Variants in ARFGEF3 observed in about 807,000 individuals in gnomAD.
ARFGEF3 encodes the protein brefeldin A-inhibited guanine nucleotide-exchange protein 3.
ARFGEF3 carries 96 observed loss-of-function variants against 221.7 expected under a neutral mutation model. The observed-to-expected ratio is 0.43, with a 90% CI of 0.37 to 0.51. ARFGEF3 has a LOEUF of 0.51. Among genes scored for constraint, ARFGEF3 ranks in the 20% least tolerant of loss-of-function variants. ARFGEF3 has a pLI of 0.00. For synonymous variants in ARFGEF3, 1,145 were observed against 1,126.8 expected, an observed-to-expected ratio of 1.02 and a Z score of -0.32; for missense variants, 2,410 against 2,789.9, an observed-to-expected ratio of 0.86 and a Z score of 3.07.
intron 1 of ARFGEF3, among the ~76,000 whole-genome samples, chr6:138,168,053 C>G (rs1263413464): frequency 2.0e-5 from 3 of 152,186 alleles, no homozygotes; most frequent in Non-Finnish European, 4.4e-5. Context: ...TGTGCTCCCT[C>G]TTACTTCATT....
chr6:138,227,158 T>G (rs1583021880), intron 4 of ARFGEF3, among the ~76,000 whole-genome samples: 2 of 151,092 alleles, frequency 1.3e-5, no homozygotes, highest in African/African-American at 4.9e-5. Flanking sequence ...GCTGGGGGCC[T>G]GGGTGCAGGT....
chr6:138,185,406 C>T (rs1005427853), intron 2 of ARFGEF3, among the ~76,000 whole-genome samples: 2 of 152,096 alleles, frequency 1.3e-5, no homozygotes, highest in African/African-American at 4.8e-5. Flanking sequence ...GCTGAACGCA[C>T]CCTAACTGAT....
chr6:138,165,372 T>C lies in ARFGEF3; in HGVS notation c.85+3201T>C, dbSNP rs371921024. Among the ~76,000 whole-genome samples the C allele has an allele frequency of 8.1e-5, 12 of 148,674 alleles. 1 individual carries two copies. In the East Asian group the frequency reaches 1.4e-3, roughly 18 times the overall value. The stretch of plus-strand genomic sequence containing the variant: ...GGATCATCCCCCTCTGAGACCCTCA[T>C]AGGAGCAAGGGGTCATCCCCTACTT... On this transcript the variant is annotated intron_variant, in intron 1 of 33. Coordinates refer to ENST00000251691, the MANE Select transcript of ARFGEF3 (RefSeq NM_020340.5).
At chr6:138,318,339 C>T (rs549826052) in intron 27 of ARFGEF3, among the ~76,000 whole-genome samples, 374 of 152,168 alleles carry the variant, frequency 2.5e-3, no homozygotes, top group African/African-American at 8.6e-3. Context: ...ACTTTTGTTC[C>T]TAGGAGCCTG....
At chr6:138,200,599 T>C (rs912280274) in intron 2 of ARFGEF3, among the ~76,000 whole-genome samples, 5 of 152,022 alleles carry the variant, frequency 3.3e-5, no homozygotes, top group Non-Finnish European at 5.9e-5. Context: ...CAACAAATGG[T>C]GCTGGGATAA....
intron 12 of ARFGEF3, among the ~76,000 whole-genome samples, chr6:138,269,772 A>C (rs1400877199): frequency 6.6e-6 from 1 of 151,942 alleles, no homozygotes; most frequent in Non-Finnish European, 1.5e-5. Flanking sequence ...GTGCCACTGC[A>C]CTCCAGCCCG....
intron 32 of ARFGEF3, among the ~76,000 whole-genome samples, chr6:138,329,166 C>T (rs923131047): frequency 6.6e-6 from 1 of 152,094 alleles, no homozygotes; most frequent in Non-Finnish European, 1.5e-5. Context: ...AATATGGTTC[C>T]TAGACTTGAA....
At chr6:138,167,960 C>T (rs1185954745) in intron 1 of ARFGEF3, among the ~76,000 whole-genome samples, 1 of 152,182 alleles carries the variant, frequency 6.6e-6, no homozygotes, top group East Asian at 1.9e-4. Context: ...GGGTCATCCC[C>T]CTCTGAGACC....
intron 2 of ARFGEF3, among the ~76,000 whole-genome samples, chr6:138,201,779 C>A (rs1777542383): frequency 6.6e-6 from 1 of 152,210 alleles, no homozygotes; most frequent in Admixed American, 6.5e-5. Flanking sequence ...AAAGAACTTG[C>A]TCTTGTAACC....
At chr6:138,263,643 C>T (rs2114592400) in intron 12 of ARFGEF3, 32 bp downstream of exon 12, 1 of 1,541,740 alleles carries the variant, frequency 6.5e-7, no homozygotes, top group Middle Eastern at 1.8e-4. Flanking sequence ...GTATAGTCAA[C>T]AAGATTATTC....
At chr6:138,226,214 C>T (rs1368883721) in intron 4 of ARFGEF3, among the ~76,000 whole-genome samples, 2 of 152,218 alleles carry the variant, frequency 1.3e-5, no homozygotes, top group African/African-American at 4.8e-5. Context: ...CTGTGCTCAT[C>T]ATCATTATCT....
intron 12 of ARFGEF3, among the ~76,000 whole-genome samples, chr6:138,274,030 T>TCCA (rs1028709023): frequency 1.3e-5 from 2 of 152,192 alleles, no homozygotes; most frequent in African/African-American, 2.4e-5. Context: ...ATTGGGTGTC[T>TCCA]CCACCAGCAG....
At chr6:138,266,118 C>T (rs1209782185) in intron 12 of ARFGEF3, among the ~76,000 whole-genome samples, 4 of 151,936 alleles carry the variant, frequency 2.6e-5, no homozygotes, top group African/African-American at 9.7e-5. Flanking sequence ...GAGGCTGAGG[C>T]GGGGGGATCA....
In ARFGEF3 at chr6:138,291,977, G is replaced by A. The variant is rs769451293; in HGVS notation, c.3292G>A (p.Asp1098Asn). The A allele has an allele frequency of 2.0e-5, 31 of 1,535,392 alleles. No individual in the cohort carries two copies. The highest frequency in any genetic ancestry group is 1.6e-4 in the Admixed American group (8 of 50,952). ...VREGSRGRAS[D>N]FRGGSLMSGS... Reference sequence around the variant, plus strand: ...GGAAGGCAGCCGGGGTCGGGCCTCCGACTTCCGCGGCGGGAGCCTCATGAG... The same window carrying A: ...GGAAGGCAGCCGGGGTCGGGCCTCCAACTTCCGCGGCGGGAGCCTCATGAG... Residue 1098 changes from aspartate (D) to asparagine (N), a missense_variant, in exon 19 of 34, where the codon GAC becomes AAC. This residue lies in a region of ARFGEF3 where 184 missense variants were observed against 141.8 expected (regional missense o/e 1.30). Coordinates refer to ENST00000251691, the MANE Select transcript of ARFGEF3 (RefSeq NM_020340.5). This position sits in a 1 kb window ranked among gnomAD's most constrained non-coding sequence, Gnocchi z 4.5.
At chr6:138,248,260 G>A (rs924079389) in intron 8 of ARFGEF3, among the ~76,000 whole-genome samples, 5 of 152,096 alleles carry the variant, frequency 3.3e-5, no homozygotes, top group Admixed American at 6.6e-5. Context: ...CTGTTCCAGC[G>A]CAGTCATGGT....
rs770302620 is a variant in ARFGEF3 at position 138,334,455 on chromosome 6, GC to G, written c.5615del (p.Pro1872ArgfsTer106). The G allele has an allele frequency of 1.2e-6, 2 of 1,611,466 alleles. No homozygotes were observed. On this transcript the variant is annotated frameshift_variant, in exon 33 of 34. Transcript: ENST00000251691. LOFTEE classifies it high-confidence loss of function. The surrounding 1 kb of genome is among the most constrained non-coding windows in gnomAD (Gnocchi z 5.1). Reference sequence around the variant, plus strand: ...ATCTTTGAGGAAACCGCCCAGGTCAGCCCCCCGAGAGGCAAGGAGAAGAGAC... The same window carrying G: ...ATCTTTGAGGAAACCGCCCAGGTCAGCCCCCGAGAGGCAAGGAGAAGAGAC... ...EDIFEETAQV[S>X]PPRGKEKRQW...
chr6:138,204,016 T>G (rs1215292476), intron 2 of ARFGEF3, among the ~76,000 whole-genome samples: 1 of 152,070 alleles, frequency 6.6e-6, no homozygotes, highest in Non-Finnish European at 1.5e-5. Context: ...AGTTAGCCCC[T>G]GTTCTGTGCA....
In ARFGEF3 at chr6:138,334,316, GCTGTTCTCACCAATCAAGAAA is replaced by G; in HGVS notation, c.5472_5492del (p.Val1825_Thr1831del). On this transcript the variant is annotated inframe_deletion, in exon 33 of 34. Transcript: ENST00000251691. The surrounding 1 kb of genome is among the most constrained non-coding windows in gnomAD (Gnocchi z 5.1). ...CATTTATTTCCACGCCCTGGTGTGTGCTGTTCTCACCAATCAAGAAACCATCACGGCCGAGCAAGTGAAGAA... is the reference window on the plus strand; with the variant it reads ...CATTTATTTCCACGCCCTGGTGTGTGCCATCACGGCCGAGCAAGTGAAGAA... 1.2e-6 allele frequency: 2 copies of G among 1,613,896 alleles called. No homozygotes were observed. The highest frequency in any genetic ancestry group is 1.7e-6 in the Non-Finnish European group (2 of 1,179,862).
At chr6:138,272,963 C>G (rs1471477670) in intron 12 of ARFGEF3, among the ~76,000 whole-genome samples, 1 of 152,164 alleles carries the variant, frequency 6.6e-6, no homozygotes, top group Non-Finnish European at 1.5e-5. Flanking sequence ...TAAATGTCCA[C>G]CAATAGAGCA....
Sources: gnomAD v4.1 joint callset for allele counts (sites outside exome capture counted in the v4.1 genomes callset) on GRCh38, gnomAD v4.1.1 for gene constraint, gnomAD v4.1.1 regional missense constraint, Gnocchi (gnomAD v3.1) non-coding constraint, MANE v1.5 for transcripts, NCBI Gene and HGNC (gene_info 2026-07-23, HGNC 2026-07-21) for gene names.